COL22A1: variants seen among roughly 807,000 people sequenced by gnomAD.
COL22A1 encodes the protein collagen alpha-1(XXII) chain.
COL22A1 carries 221 observed loss-of-function variants against 248.9 expected under a neutral mutation model. The observed-to-expected ratio is 0.89, with a 90% CI of 0.80 to 0.99. The LOEUF (loss-of-function observed/expected upper bound fraction) is 0.99, where lower values mean the gene tolerates loss of function less well. COL22A1 is among the 50% of genes least tolerant of loss of function. COL22A1 has a pLI of 0.00. For synonymous variants in COL22A1, 891 were observed against 793.4 expected, an observed-to-expected ratio of 1.12 and a Z score of -2.07; for missense variants, 2,240 against 2,179.0, an observed-to-expected ratio of 1.03 and a Z score of -0.56.
chr8:138,716,084 GTCCCTTCCATCAACA>G, intron 29 of COL22A1, 128 bp downstream of exon 29: 1 of 672,050 alleles, frequency 1.5e-6, no homozygotes, highest in Non-Finnish European at 2.6e-6. Context: ...CCCCTTCCCC[GTCCCTTCCATCAACA>G]CTGAGAAATA....
chr8:138,838,148 G>A (rs958111940), intron 4 of COL22A1, among the ~76,000 whole-genome samples: 97 of 152,090 alleles, frequency 6.4e-4, no homozygotes, highest in African/African-American at 2.2e-3. Context: ...GCAGTTCCAC[G>A]GCTTTGGGGC....
At chr8:138,665,492 G>A (rs1001471796) in intron 41 of COL22A1, among the ~76,000 whole-genome samples, 3 of 152,262 alleles carry the variant, frequency 2.0e-5, no homozygotes, top group African/African-American at 7.2e-5. Context: ...CTCACCCTCA[G>A]GGCCCTGCCC....
intron 61 of COL22A1, 58 bp downstream of exon 61, chr8:138,598,661 C>T: frequency 1.3e-6 from 2 of 1,514,864 alleles, no homozygotes; most frequent in Non-Finnish European, 1.8e-6. Context: ...ACACACTTCC[C>T]TGGCTCCCCC....
At chr8:138,598,622 G>A (rs1203128147) in intron 61 of COL22A1, 97 bp downstream of exon 61, 1 of 1,183,618 alleles carries the variant, frequency 8.4e-7, no homozygotes, top group African/African-American at 1.5e-5. Context: ...TAGAAGACTG[G>A]GATCTGTAAA....
intron 41 of COL22A1, among the ~76,000 whole-genome samples, chr8:138,674,950 C>A (rs1157528194): frequency 6.6e-6 from 1 of 152,080 alleles, no homozygotes; most frequent in African/African-American, 2.4e-5. Context: ...ACAAAAATAG[C>A]CAAAGAACAA....
At chr8:138,901,415 G>A (rs1814559496) in intron 1 of COL22A1, among the ~76,000 whole-genome samples, 1 of 141,870 alleles carries the variant, frequency 7.0e-6, no homozygotes, top group Non-Finnish European at 1.5e-5. Flanking sequence ...CCCCTAGGCT[G>A]GAGTGCAGTG....
chr8:138,675,357 G>A (rs1353961583), intron 41 of COL22A1, among the ~76,000 whole-genome samples: 5 of 152,164 alleles, frequency 3.3e-5, no homozygotes, highest in Non-Finnish European at 4.4e-5. Context: ...TATTCTTTGA[G>A]AGTCATGCAT....
intron 9 of COL22A1, among the ~76,000 whole-genome samples, chr8:138,808,095 C>A (rs1190065978): frequency 6.6e-6 from 1 of 152,180 alleles, no homozygotes; most frequent in African/African-American, 2.4e-5. Context: ...TACCACATTT[C>A]TGCTTACTTG....
intron 14 of COL22A1, among the ~76,000 whole-genome samples, 158 bp from the exon 15 acceptor site, chr8:138,778,564 A>G (rs1265579111): frequency 1.3e-5 from 2 of 151,994 alleles, no homozygotes; most frequent in Admixed American, 1.3e-4. Context: ...GCCAGCAGAC[A>G]CTCCCTCGAC....
chr8:138,757,307 T>TGG (rs1833093536), intron 18 of COL22A1, among the ~76,000 whole-genome samples: 1 of 1,808 alleles, frequency 5.5e-4, no homozygotes, highest in African/African-American at 1.1e-3. Flanking sequence ...AGCTATACTA[T>TGG]GTGTGTGTGT....
In COL22A1 at chr8:138,692,480, T is replaced by C. The variant is rs1224391338; in HGVS notation, c.2754+1166A>G. ...GTGAGTGCATGTGTGTGTGTGTGTG[T>C]GTGTGTGTGTGTGTGTGTGTGTGTG... On this transcript the variant is annotated intron_variant, in intron 35 of 64. Coordinates refer to ENST00000303045, the MANE Select transcript of COL22A1 (RefSeq NM_152888.3). Among the ~76,000 whole-genome samples, 178 of 63,174 alleles carry C rather than the reference T, an allele frequency of 2.8e-3. 1 individual carries two copies. Among genetic ancestry groups the C allele is most frequent in the African/African-American group, 8.2e-3 (170 of 20,636 alleles). The allele number at this position is 63,174 out of a possible 152,430, so 41.4% of individuals were successfully genotyped here.
At chr8:138,814,838 C>T (rs940651461) in intron 7 of COL22A1, among the ~76,000 whole-genome samples, 3 of 152,142 alleles carry the variant, frequency 2.0e-5, no homozygotes, top group African/African-American at 2.4e-5. Flanking sequence ...GTAACTGATA[C>T]ACCTCCCTCT....
At chr8:138,623,863 T>C in intron 51 of COL22A1, 78 bp from the exon 52 acceptor site, 1 of 1,297,864 alleles carries the variant, frequency 7.7e-7, no homozygotes, top group Non-Finnish European at 1.1e-6. Flanking sequence ...TTTCAGCATG[T>C]CTTCCTGCCC....
At chr8:138,635,481 A>G (rs1186039776) in intron 48 of COL22A1, among the ~76,000 whole-genome samples, 2 of 152,236 alleles carry the variant, frequency 1.3e-5, no homozygotes, top group African/African-American at 4.8e-5. Context: ...CAGAAACACA[A>G]TGTACACAAT....
In COL22A1 at chr8:138,746,849, G is replaced by T. The variant is rs528556986; in HGVS notation, c.2085+4609C>A. On this transcript the variant is annotated intron_variant, in intron 22 of 64. Transcript: ENST00000303045. Reference sequence around the variant, plus strand: ...AAGCCCTGTGCTCTGCCCAGCCCCTGCCCTTTCTCAGTGGATCACCGTGGG... The same window carrying T: ...AAGCCCTGTGCTCTGCCCAGCCCCTTCCCTTTCTCAGTGGATCACCGTGGG... Among the ~76,000 whole-genome samples the T allele has an allele frequency of 1.1e-4, 17 of 152,274 alleles. 1 individual carries two copies. In the South Asian group the frequency reaches 2.3e-3, roughly 20 times the overall value.
chr8:138,616,296 G>A (rs34257501), intron 54 of COL22A1, among the ~76,000 whole-genome samples: 6,197 of 152,294 alleles, frequency 0.041, 190 homozygotes, highest in South Asian at 0.097. Flanking sequence ...GCTCAAGCAG[G>A]GAAGAACAGC....
chr8:138,667,553 T>C (rs79471188), intron 41 of COL22A1, among the ~76,000 whole-genome samples: 309 of 152,324 alleles, frequency 2.0e-3, no homozygotes, highest in African/African-American at 6.4e-3. Flanking sequence ...AAGCATCTAA[T>C]TGGTCCTTTT....
chr8:138,608,512 C>T (rs1450409855), intron 56 of COL22A1, among the ~76,000 whole-genome samples: 1 of 152,156 alleles, frequency 6.6e-6, no homozygotes, highest in African/African-American at 2.4e-5. Context: ...ATGGCTTGTG[C>T]AGAGTCATGC....
intron 12 of COL22A1, among the ~76,000 whole-genome samples, chr8:138,781,358 C>T (rs575253238): frequency 7.4e-4 from 112 of 152,094 alleles, no homozygotes; most frequent in Non-Finnish European, 1.4e-3. Flanking sequence ...TCAACCTTGG[C>T]ATCATAGACA....
Sources: gnomAD v4.1 joint callset for allele counts (sites outside exome capture counted in the v4.1 genomes callset) on GRCh38, gnomAD v4.1.1 for gene constraint, MANE v1.5 for transcripts, NCBI Gene and HGNC (gene_info 2026-07-23, HGNC 2026-07-21) for gene names.